Variants in JAZF1 observed in about 807,000 individuals in gnomAD.
JAZF1 encodes juxtaposed with another zinc finger protein 1.
A neutral mutation model predicts 26.4 loss-of-function variants in JAZF1; 8 were observed. The ratio of observed to expected loss-of-function variants is 0.30; its 90% CI spans 0.18 to 0.55. The LOEUF is 0.55. Ranked by LOEUF, JAZF1 falls within the 20% of genes least tolerant of loss-of-function variation. JAZF1 has a pLI of 0.94. For missense variants in JAZF1, 199 were observed against 322.0 expected, an observed-to-expected ratio of 0.62 and a Z score of 2.92; for synonymous variants, 126 against 122.3, an observed-to-expected ratio of 1.03 and a Z score of -0.20.
chr7:27,840,556 G>A lies in JAZF1; in HGVS notation c.555+142C>T. The A allele has an allele frequency of 1.2e-6, 1 of 854,026 alleles. No homozygotes were observed. The highest frequency in any genetic ancestry group is 1.6e-5 in the South Asian group (1 of 62,332). 52.9% of individuals were successfully genotyped at this position (854,026 alleles called of 1,614,324 possible). A position where few individuals can be genotyped will look rare whatever the true frequency, so the allele number is the denominator to read the frequency against. On this transcript the variant is annotated intron_variant, in intron 4 of 4. Transcript: ENST00000283928. This position sits in a 1 kb window ranked among gnomAD's most constrained non-coding sequence, Gnocchi z 5.1. The stretch of plus-strand genomic sequence containing the variant: ...GGCACCTGTGTGCACACAGGGGTGA[G>A]GCCCACGCACTCTAATGCAGGAGAG...
chr7:28,179,562 T>C (rs1465721232), intron 1 of JAZF1, among the ~76,000 whole-genome samples: 2 of 151,390 alleles, frequency 1.3e-5, no homozygotes, highest in Non-Finnish European at 1.5e-5. Flanking sequence ...CCATGGGCCC[T>C]GGGGGTGTCT....
At chr7:27,911,407 A>C (rs1312010274) in intron 2 of JAZF1, among the ~76,000 whole-genome samples, 6 of 152,202 alleles carry the variant, frequency 3.9e-5, no homozygotes, top group Non-Finnish European at 7.3e-5. Flanking sequence ...GACATCAGGT[A>C]GTTTGCCCAA....
intron 1 of JAZF1, among the ~76,000 whole-genome samples, chr7:28,046,200 T>C (rs1270609204): frequency 1.3e-5 from 2 of 152,188 alleles, no homozygotes; most frequent in African/African-American, 4.8e-5. Flanking sequence ...ACAAAACCTT[T>C]AGGAGCCAAG....
intron 1 of JAZF1, among the ~76,000 whole-genome samples, chr7:28,031,127 C>A (rs894277722): frequency 6.6e-6 from 1 of 152,148 alleles, no homozygotes; most frequent in Non-Finnish European, 1.5e-5. Flanking sequence ...AAAAAGACAT[C>A]TATATCTCAG....
chr7:27,850,272 G>C, intron 3 of JAZF1, among the ~76,000 whole-genome samples: 1 of 152,266 alleles, frequency 6.6e-6, no homozygotes, highest in African/African-American at 2.4e-5. Flanking sequence ...AATTGGCAAC[G>C]AGTGATTACA....
At chr7:28,069,714 C>A (rs967948412) in intron 1 of JAZF1, among the ~76,000 whole-genome samples, 1 of 152,168 alleles carries the variant, frequency 6.6e-6, no homozygotes, top group Non-Finnish European at 1.5e-5. Context: ...CAATCATGTG[C>A]AGAGGCCTTT....
intron 1 of JAZF1, among the ~76,000 whole-genome samples, chr7:28,015,549 G>A (rs1357592066): frequency 6.6e-6 from 1 of 152,144 alleles, no homozygotes; most frequent in Non-Finnish European, 1.5e-5. Context: ...ACATGTTAAA[G>A]CAAGATGCTA....
chr7:27,931,466 G>A (rs531122812), intron 2 of JAZF1, among the ~76,000 whole-genome samples: 1 of 152,332 alleles, frequency 6.6e-6, no homozygotes, highest in South Asian at 2.1e-4. Context: ...CTCTGCATGT[G>A]GGAATTTGGG....
chr7:27,942,272 G>A (rs933791333), intron 2 of JAZF1, among the ~76,000 whole-genome samples: 1 of 152,212 alleles, frequency 6.6e-6, no homozygotes, highest in Non-Finnish European at 1.5e-5. Context: ...CTTCACCCCT[G>A]TGGTCAGAAC....
chr7:28,000,851 T>C (rs1226394900), intron 1 of JAZF1, among the ~76,000 whole-genome samples: 1 of 151,964 alleles, frequency 6.6e-6, no homozygotes, highest in African/African-American at 2.4e-5. Context: ...ACTCCTGGGC[T>C]CAAGCAATCC....
chr7:27,920,501 T>A (rs565010465), intron 2 of JAZF1, among the ~76,000 whole-genome samples: 1 of 152,230 alleles, frequency 6.6e-6, no homozygotes, highest in South Asian at 2.1e-4. Flanking sequence ...TATATGACGA[T>A]GTGTCATATG....
chr7:27,866,387 G>A (rs909292786), intron 3 of JAZF1, among the ~76,000 whole-genome samples: 6 of 152,156 alleles, frequency 3.9e-5, no homozygotes, highest in African/African-American at 1.4e-4. Context: ...GGCTAAGAGA[G>A]GCACTTGGGA....
At chr7:27,995,417 A>G (rs1221798662) in intron 1 of JAZF1, among the ~76,000 whole-genome samples, 1 of 152,214 alleles carries the variant, frequency 6.6e-6, no homozygotes, top group African/African-American at 2.4e-5. Context: ...AAGAAGTGAC[A>G]GGAAGATAAA....
intron 1 of JAZF1, among the ~76,000 whole-genome samples, chr7:28,085,104 A>G (rs569665022): frequency 6.6e-6 from 1 of 152,332 alleles, no homozygotes; most frequent in East Asian, 1.9e-4. Flanking sequence ...ATTACCCAGT[A>G]TCATGTATTC....
At chr7:27,857,257 G>A (rs1303506812) in intron 3 of JAZF1, among the ~76,000 whole-genome samples, 2 of 152,214 alleles carry the variant, frequency 1.3e-5, no homozygotes, top group Non-Finnish European at 2.9e-5. Context: ...TGGCCCAGGT[G>A]CCAAGCCCCT....
chr7:28,134,466 CTTT>C (rs11301719), intron 1 of JAZF1, among the ~76,000 whole-genome samples: 5,463 of 133,134 alleles, frequency 0.041, 311 homozygotes, highest in African/African-American at 0.14. Context: ...GCATGCCTAG[CTTT>C]TTTTTTTTTT....
intron 2 of JAZF1, among the ~76,000 whole-genome samples, chr7:27,897,356 G>A (rs1033222684): frequency 1.3e-5 from 2 of 152,164 alleles, no homozygotes; most frequent in African/African-American, 4.8e-5. Context: ...TTCAAATCCT[G>A]GCTGGGTTAT....
chr7:28,132,435 A>G (rs1356774467), intron 1 of JAZF1, among the ~76,000 whole-genome samples: 1 of 152,194 alleles, frequency 6.6e-6, no homozygotes, highest in Non-Finnish European at 1.5e-5. Context: ...CTTAGGGGAA[A>G]CCAGGGCTGC....
chr7:27,861,686 C>T (rs1783383775), intron 3 of JAZF1, among the ~76,000 whole-genome samples: 1 of 152,128 alleles, frequency 6.6e-6, no homozygotes, highest in South Asian at 2.1e-4. Context: ...CTGACACTGT[C>T]TGTCCTGGAA....
Sources: gnomAD v4.1 joint callset for allele counts (sites outside exome capture counted in the v4.1 genomes callset) on GRCh38, gnomAD v4.1.1 for gene constraint, Gnocchi (gnomAD v3.1) non-coding constraint, MANE v1.5 for transcripts, NCBI Gene and HGNC (gene_info 2026-07-23, HGNC 2026-07-21) for gene names.